Variants in NOSTRIN observed in about 807,000 individuals in gnomAD.
NOSTRIN encodes BM247 homolog.
In NOSTRIN, 63 loss-of-function variants were observed where a neutral mutation model predicts 59.0. The ratio of observed to expected loss-of-function variants is 1.07; its 90% CI spans 0.87 to 1.32. The LOEUF (loss-of-function observed/expected upper bound fraction) is 1.32. Ranked by LOEUF, NOSTRIN falls within the 40% of genes most tolerant of loss-of-function variation. The pLI, the probability that NOSTRIN is intolerant of heterozygous loss-of-function variation, is 0.00. For synonymous variants in NOSTRIN, 200 were observed against 165.4 expected, an observed-to-expected ratio of 1.21 and a Z score of -1.61; for missense variants, 512 against 473.1, an observed-to-expected ratio of 1.08 and a Z score of -0.76.
chr2:168,788,328 G>T (rs1685258348), intron 2 of NOSTRIN, among the ~76,000 whole-genome samples: 1 of 150,734 alleles, frequency 6.6e-6, no homozygotes, highest in Non-Finnish European at 1.5e-5. Flanking sequence ...TTCCTGAACT[G>T]TTCAGTCCCT....
intron 7 of NOSTRIN, among the ~76,000 whole-genome samples, chr2:168,837,383 T>C (rs373491717): frequency 1.3e-4 from 19 of 146,578 alleles, no homozygotes; most frequent in South Asian, 6.7e-4. Flanking sequence ...GATCTCGGCT[T>C]ACTGCAAGCT....
At chr2:168,808,966 G>C (rs1180510115) in intron 1 of NOSTRIN, among the ~76,000 whole-genome samples, 1 of 152,146 alleles carries the variant, frequency 6.6e-6, no homozygotes, top group Non-Finnish European at 1.5e-5. Flanking sequence ...CTATAACTTA[G>C]GTAGTGAGTA....
At chr2:168,839,060 C>T (rs569002933) in intron 7 of NOSTRIN, among the ~76,000 whole-genome samples, 27 of 152,216 alleles carry the variant, frequency 1.8e-4, no homozygotes, top group South Asian at 1.7e-3. Context: ...GCTGGGATTA[C>T]GGGCGTGAAC....
At chr2:168,849,107 G>A (rs1688596522) in intron 8 of NOSTRIN, among the ~76,000 whole-genome samples, 1 of 152,168 alleles carries the variant, frequency 6.6e-6, no homozygotes, top group African/African-American at 2.4e-5. Flanking sequence ...AGAACCCAGT[G>A]ATCTTTGTGA....
At chr2:168,856,348 G>C in intron 11 of NOSTRIN, 1 of 280,072 alleles carries the variant, frequency 3.6e-6, no homozygotes, top group Non-Finnish European at 6.9e-6. Flanking sequence ...AAGCCAAGGC[G>C]GGTGGATCAC....
chr2:168,788,939 T>TAGATGAC (rs1559095667), intron 2 of NOSTRIN, among the ~76,000 whole-genome samples: 1 of 140,966 alleles, frequency 7.1e-6, no homozygotes, highest in African/African-American at 2.6e-5. Context: ...AGATAGATGA[T>TAGATGAC]AGATATTTCA....
At chr2:168,791,227 G>C (rs960969056) in intron 2 of NOSTRIN, among the ~76,000 whole-genome samples, 5 of 152,162 alleles carry the variant, frequency 3.3e-5, no homozygotes, top group African/African-American at 1.2e-4. Flanking sequence ...CCACCTGTGA[G>C]TGAGAACATG....
intron 7 of NOSTRIN, among the ~76,000 whole-genome samples, chr2:168,837,561 G>A (rs1007283782): frequency 2.3e-4 from 35 of 151,652 alleles, no homozygotes; most frequent in South Asian, 8.4e-4. Context: ...CGCCCGCCTC[G>A]GCCTCCCAAA....
intron 3 of NOSTRIN, among the ~76,000 whole-genome samples, chr2:168,825,512 G>T (rs1687010780): frequency 1.3e-5 from 2 of 152,254 alleles, no homozygotes; most frequent in South Asian, 4.1e-4. Context: ...TTCTTCCTCT[G>T]TTGGACAGAG....
intron 2 of NOSTRIN, among the ~76,000 whole-genome samples, chr2:168,814,034 A>T (rs1686280190): frequency 6.6e-6 from 1 of 152,190 alleles, no homozygotes; most frequent in South Asian, 2.1e-4. Context: ...AACCTGAAGG[A>T]TGCTTGTCCA....
intron 1 of NOSTRIN, among the ~76,000 whole-genome samples, chr2:168,806,586 T>A (rs1466601606): frequency 6.6e-6 from 1 of 152,148 alleles, no homozygotes; most frequent in Non-Finnish European, 1.5e-5. Context: ...GGGTTATTAT[T>A]TTTTTAGGGG....
In NOSTRIN at chr2:168,856,711, C is replaced by A; in HGVS notation, c.986C>A (p.Thr329Lys). 1 of 1,614,104 alleles carries A rather than the reference C, an allele frequency of 6.2e-7. No individual in the cohort carries two copies. Among genetic ancestry groups the A allele is most frequent in the South Asian group, 1.1e-5 (1 of 91,074 alleles). ...DKEGLERMLK[T>K]YSSTSSFSDA... ...TCAGGCCTGGAACGAATGCTTAAAA[C>A]GTACTCCAGCACCTCCTCCTTCTCT... The change falls in exon 12 of 16, where the codon ACG becomes AAG. Residue 329 changes from threonine (T) to lysine (K), a missense_variant. Thr to Lys is a moderately conservative substitution (Grantham distance 78). Coordinates refer to ENST00000317647, the MANE Select transcript of NOSTRIN (RefSeq NM_001039724.4).
At chr2:168,818,435 T>G (rs1235162692) in intron 2 of NOSTRIN, 1 of 159,694 alleles carries the variant, frequency 6.3e-6, no homozygotes, top group East Asian at 1.8e-4. Flanking sequence ...GGATTAGAGG[T>G]GCAAGTCACT....
upstream of NOSTRIN, among the ~76,000 whole-genome samples, chr2:168,798,792 T>C (rs895638795): frequency 1.5e-5 from 2 of 130,332 alleles, no homozygotes; most frequent in African/African-American, 2.9e-5. Context: ...TTGGAGGAGA[T>C]GCTTCGATCG....
rs1469962548 is a variant in NOSTRIN, at chr2:168,851,352, C to T, written c.803C>T (p.Thr268Ile). 1.9e-6 allele frequency: 3 copies of T among 1,613,500 alleles called. No individual in the cohort carries two copies. The highest frequency in any genetic ancestry group is 2.5e-6 in the Non-Finnish European group (3 of 1,179,928). Reference protein sequence around the residue: ...EKDIQAVMEETAILSTENKSE... With the variant: ...EKDIQAVMEEIAILSTENKSE... ...GATATCCAGGCTGTAATGGAAGAAACTGCAATTTTATCTACAGAAAACAAA... is the reference window on the plus strand; with the variant it reads ...GATATCCAGGCTGTAATGGAAGAAATTGCAATTTTATCTACAGAAAACAAA... The change falls in exon 10 of 16, where the codon ACT (threonine) becomes ATT (isoleucine). Residue 268 changes from threonine to isoleucine, a missense_variant. Coordinates refer to ENST00000317647, the MANE Select transcript of NOSTRIN (RefSeq NM_001039724.4).
chr2:168,839,628 C>A (rs2105700082), intron 7 of NOSTRIN, among the ~76,000 whole-genome samples: 1 of 152,114 alleles, frequency 6.6e-6, no homozygotes, highest in African/African-American at 2.4e-5. Flanking sequence ...ATACAGGAGT[C>A]TACAGCCGGG....
At chr2:168,805,775 C>T (rs552985986) in intron 1 of NOSTRIN, among the ~76,000 whole-genome samples, 1 of 152,208 alleles carries the variant, frequency 6.6e-6, no homozygotes, top group South Asian at 2.1e-4. Context: ...GTGGCTTAGC[C>T]TGGATATCAG....
intron 6 of NOSTRIN, among the ~76,000 whole-genome samples, chr2:168,833,974 C>A (rs1041464704): frequency 1.4e-4 from 22 of 152,100 alleles, no homozygotes; most frequent in Admixed American, 1.3e-3. Flanking sequence ...CTTGAGGGTA[C>A]CCGATATAAT....
chr2:168,857,239 A>C (rs1388956105), intron 12 of NOSTRIN, among the ~76,000 whole-genome samples: 1 of 152,220 alleles, frequency 6.6e-6, no homozygotes, highest in African/African-American at 2.4e-5. Flanking sequence ...TATTTAGTAA[A>C]TACCAGCACA....
Sources: gnomAD v4.1 joint callset for allele counts (sites outside exome capture counted in the v4.1 genomes callset) on GRCh38, gnomAD v4.1.1 for gene constraint, MANE v1.5 for transcripts, NCBI Gene and HGNC (gene_info 2026-07-23, HGNC 2026-07-21) for gene names.